The following TAF11 variants were observed in gnomAD, a reference collection of about 807,000 sequenced individuals.
TAF11 encodes the protein TATA-box binding protein associated factor 11.
TAF11 carries 10 observed loss-of-function variants against 23.0 expected under a neutral mutation model. That is an observed-to-expected ratio of 0.43 (90% CI 0.27 to 0.74). The LOEUF (loss-of-function observed/expected upper bound fraction) is 0.74, where lower values mean the gene tolerates loss of function less well. Among genes scored for constraint, TAF11 ranks in the 30% least tolerant of loss-of-function variants. TAF11 has a pLI of 0.19. For missense variants in TAF11, 196 were observed against 261.7 expected, an observed-to-expected ratio of 0.75 and a Z score of 1.73; for synonymous variants, 85 against 95.8, an observed-to-expected ratio of 0.89 and a Z score of 0.66.
intron 1 of TAF11, among the ~76,000 whole-genome samples, chr6:34,887,033 G>A (rs943369795): frequency 6.6e-6 from 1 of 152,066 alleles, no homozygotes; most frequent in African/African-American, 2.4e-5. Context: ...ACCGGGTGCG[G>A]TGGCTCACGC....
intron 1 of TAF11, among the ~76,000 whole-genome samples, chr6:34,887,540 T>C (rs935601492): frequency 6.6e-6 from 1 of 152,110 alleles, no homozygotes; most frequent in Non-Finnish European, 1.5e-5. Context: ...ATAACTCCCT[T>C]AGAAGTAGCT....
At position 34,880,276 on chromosome 6, in the gene TAF11, G is replaced by C; in HGVS notation, c.408+13C>G. Reference sequence around the variant, plus strand: ...AAACGTGATGGAGATGAAGTGTGGTGGTCCATCCTTACCCTTTTGATGGCT... The same window carrying C: ...AAACGTGATGGAGATGAAGTGTGGTCGTCCATCCTTACCCTTTTGATGGCT... On this transcript the variant is annotated intron_variant, in intron 3 of 4. Coordinates refer to ENST00000361288, the MANE Select transcript of TAF11 (RefSeq NM_005643.4). The surrounding 1 kb of genome is among the most constrained non-coding windows in gnomAD (Gnocchi z 4.8). 1 of 1,613,412 alleles carries C rather than the reference G, an allele frequency of 6.2e-7. No homozygotes were observed. The highest frequency in any genetic ancestry group is 8.5e-7 in the Non-Finnish European group (1 of 1,179,424).
chr6:34,880,390 C>A lies in TAF11; in HGVS notation c.321-14G>T. The A allele has an allele frequency of 6.2e-7, 1 of 1,611,334 alleles. No individual in the cohort carries two copies. Among genetic ancestry groups the A allele is most frequent in the South Asian group, 1.1e-5 (1 of 90,894 alleles). ...GAAACCAGGATTCTAAACAAAGATC[C>A]AGGTAACTAAGTTAACTTATAAGAA... On this transcript the variant is annotated splice_polypyrimidine_tract_variant and intron_variant, in intron 2 of 4. Transcript: ENST00000361288. This position sits in a 1 kb window ranked among gnomAD's most constrained non-coding sequence, Gnocchi z 4.8.
rs1425716721 is a variant in TAF11 at position 34,878,046 on chromosome 6, T to G, written c.*544A>C. On this transcript the variant is annotated 3_prime_UTR_variant, in exon 5 of 5. Coordinates refer to ENST00000361288, the MANE Select transcript of TAF11 (RefSeq NM_005643.4). ...AGGAGGACTGCTTGAAGCCAGGAGTTCACGACCAGCCTGGGCAACAAAGCA... is the reference window on the plus strand; with the variant it reads ...AGGAGGACTGCTTGAAGCCAGGAGTGCACGACCAGCCTGGGCAACAAAGCA... 2 of 152,474 alleles carry G rather than the reference T, an allele frequency of 1.3e-5. No homozygotes were observed. Among genetic ancestry groups the G allele is most frequent in the African/African-American group, 4.8e-5 (2 of 41,392 alleles). 9.4% of individuals were successfully genotyped at this position (152,474 alleles called of 1,614,324 possible).
At chr6:34,886,978 C>A (rs1223061855) in intron 1 of TAF11, among the ~76,000 whole-genome samples, 2 of 152,046 alleles carry the variant, frequency 1.3e-5, no homozygotes, top group Non-Finnish European at 2.9e-5. Context: ...CTGCTGAACT[C>A]TCTGTAGCAT....
At chr6:34,879,380 T>C in intron 4 of TAF11, 1 of 964,874 alleles carries the variant, frequency 1.0e-6, no homozygotes, top group Non-Finnish European at 1.2e-6. Flanking sequence ...TCTTAATTTG[T>C]GATTTGTAAA....
intron 1 of TAF11, 104 bp from the exon 2 acceptor site, chr6:34,883,184 G>T: frequency 8.0e-7 from 1 of 1,251,580 alleles, no homozygotes; most frequent in Non-Finnish European, 1.1e-6. Flanking sequence ...TCCATTTATT[G>T]AGTAGTTTTT....
chr6:34,883,234 A>C lies in TAF11; in HGVS notation c.172-154T>G, dbSNP rs944568585. On this transcript the variant is annotated intron_variant, in intron 1 of 4. Transcript: ENST00000361288. ...GACTGTACCATCAAGGATAAGATAC[A>C]GTATCTCTCCTAAGGGAAGATTATG... is the stretch of plus-strand genomic sequence containing the variant. 3 of 678,142 alleles carry C rather than the reference A, an allele frequency of 4.4e-6. No homozygotes were observed. In the African/African-American group the frequency reaches 5.6e-5, roughly 13 times the overall value. 42.0% of individuals were successfully genotyped at this position (678,142 alleles called of 1,614,324 possible). A position where few individuals can be genotyped will look rare whatever the true frequency, so the allele number is the denominator to read the frequency against.
intron 1 of TAF11, 128 bp downstream of exon 1, chr6:34,887,659 C>T: frequency 8.6e-7 from 1 of 1,160,878 alleles, no homozygotes; most frequent in Non-Finnish European, 1.3e-6. Flanking sequence ...TCAAGATTAA[C>T]GATCTGGAGG....
At chr6:34,885,789 ACATAATAAGAC>A (rs1399285431) in intron 1 of TAF11, among the ~76,000 whole-genome samples, 1 of 152,110 alleles carries the variant, frequency 6.6e-6, no homozygotes, top group African/African-American at 2.4e-5. Context: ...AGACTGGGCA[ACATAATAAGAC>A]CTTGTCTCTA....
Position 34,885,115 on chromosome 6 carries a change from T to TTC in TAF11, c.172-2036_172-2035insGA, listed in dbSNP as rs1554129266. On this transcript the variant is annotated intron_variant, in intron 1 of 4. Coordinates refer to ENST00000361288, the MANE Select transcript of TAF11 (RefSeq NM_005643.4). ...TATTTTGTTCTTTATCTTTTTTTTC[T>TTC]CCCCCAGACTCGCTCTGTTGCCCAG... is the stretch of plus-strand genomic sequence containing the variant. 7.1e-3 allele frequency among the ~76,000 whole-genome samples: 1,083 copies of TTC among 151,748 alleles called. 20 individuals are homozygous for TTC. Among genetic ancestry groups the TTC allele is most frequent in the African/African-American group, 0.025 (1,026 of 41,230 alleles).
chr6:34,884,399 T>C lies in TAF11; in HGVS notation c.172-1319A>G, dbSNP rs4646929. On this transcript the variant is annotated intron_variant, in intron 1 of 4. Transcript: ENST00000361288. ...CGGACACATAGAGGGGAACACACAC[T>C]GGGGTATATGGAAGGGTGAAGGGTA... 1.6e-3 allele frequency among the ~76,000 whole-genome samples: 235 copies of C among 150,856 alleles called. 1 individual carries two copies. The highest frequency in any genetic ancestry group is 5.4e-3 in the African/African-American group (221 of 40,606).
At chr6:34,886,374 C>T (rs2127433687) in intron 1 of TAF11, among the ~76,000 whole-genome samples, 1 of 147,358 alleles carries the variant, frequency 6.8e-6, no homozygotes, top group South Asian at 2.1e-4. Context: ...GAGCGAGACT[C>T]GGTCTCAAAA....
intron 1 of TAF11, 42 bp downstream of exon 1, chr6:34,887,745 C>T (rs898387733): frequency 2.5e-6 from 4 of 1,612,160 alleles, no homozygotes; most frequent in Non-Finnish European, 3.4e-6. Context: ...GTAACACAAT[C>T]TCTGGGTATT....
intron 4 of TAF11, chr6:34,879,530 T>G: frequency 2.0e-6 from 2 of 984,174 alleles, no homozygotes; most frequent in Non-Finnish European, 2.4e-6. Flanking sequence ...AAAAAAAAAT[T>G]TCACCAGCTA....
At chr6:34,887,490 TG>T (rs1766550849) in intron 1 of TAF11, among the ~76,000 whole-genome samples, 1 of 152,100 alleles carries the variant, frequency 6.6e-6, no homozygotes, top group South Asian at 2.1e-4. Flanking sequence ...AGTGTGACAT[TG>T]GATCCCAATT....
chr6:34,879,003 G>A (rs1408680622), intron 4 of TAF11, among the ~76,000 whole-genome samples: 1 of 152,066 alleles, frequency 6.6e-6, no homozygotes, highest in African/African-American at 2.4e-5. Context: ...CTAGGAGTTC[G>A]AGACCAACCT....
chr6:34,882,824 ATTTTC>A (rs1766464015), intron 2 of TAF11, 103 bp downstream of exon 2: 7 of 1,338,110 alleles, frequency 5.2e-6, no homozygotes, highest in African/African-American at 1.5e-5. Context: ...TAATCGTTTT[ATTTTC>A]TTTTGAGTTT....
In TAF11 at chr6:34,877,595, G is replaced by A. The variant is rs1766328683; in HGVS notation, c.*995C>T. ...TATTTTCATCTCAGTCTTGGGGGGG[G>A]AATTATTACACTGTTTTTAACAGTG... On this transcript the variant is annotated 3_prime_UTR_variant, in exon 5 of 5. Coordinates refer to ENST00000361288, the MANE Select transcript of TAF11 (RefSeq NM_005643.4). 1 of 151,962 alleles carries A rather than the reference G, an allele frequency of 6.6e-6. No homozygotes were observed. 9.4% of individuals were successfully genotyped at this position (151,962 alleles called of 1,614,324 possible).
Sources: allele counts gnomAD v4.1 joint callset (sites outside exome capture counted in the v4.1 genomes callset), GRCh38; gene constraint gnomAD v4.1.1; non-coding constraint Gnocchi (gnomAD v3.1); transcripts MANE v1.5; gene names NCBI Gene and HGNC (gene_info 2026-07-23, HGNC 2026-07-21).